MTCL2: variants seen among roughly 807,000 people sequenced by gnomAD.
MTCL2 encodes the protein microtubule crosslinking factor 2, also known as microtubule cross-linking factor 2.
the MTCL2 span, among the ~76,000 whole-genome samples, chr20:36,787,469 C>T: frequency 7.2e-5 from 11 of 152,044 alleles, no homozygotes; most frequent in Admixed American, 2.0e-4. Flanking sequence ...GTGATCTGCC[C>T]GCCTCGGCCT....
the MTCL2 span, chr20:36,784,263 T>A: frequency 1.0e-6 from 1 of 985,926 alleles, no homozygotes. Context: ...AGAGCGGAAC[T>A]GGCCCACAGC....
chr20:36,847,343 C>T, the MTCL2 span, among the ~76,000 whole-genome samples: 3 of 152,198 alleles, frequency 2.0e-5, no homozygotes, highest in African/African-American at 7.2e-5. Context: ...CAGAACATTT[C>T]CTTCCCAGAC....
chr20:36,794,671 C>G, the MTCL2 span: 18 of 1,600,300 alleles, frequency 1.1e-5, no homozygotes, highest in South Asian at 2.0e-4. The surrounding 1 kb of genome is among the most constrained non-coding windows in gnomAD (Gnocchi z 5.4). Context: ...GTCTACCACC[C>G]TGGTCCGTGT....
chr20:36,810,120 CAG>C, the MTCL2 span: 1 of 1,584,644 alleles, frequency 6.3e-7, no homozygotes, highest in Non-Finnish European at 8.6e-7. Flanking sequence ...GTGGTACAGA[CAG>C]GGGACACAGA....
chr20:36,808,269 T>C, the MTCL2 span, among the ~76,000 whole-genome samples: 1 of 151,262 alleles, frequency 6.6e-6, no homozygotes, highest in African/African-American at 2.4e-5. Flanking sequence ...GGCAGGAGAA[T>C]TGCTTGAACC....
At chr20:36,809,145 AGCAAT>A in the MTCL2 span, among the ~76,000 whole-genome samples, 1 of 152,194 alleles carries the variant, frequency 6.6e-6, no homozygotes, top group African/African-American at 2.4e-5. Context: ...CACCCTAGGA[AGCAAT>A]GCAGTGTCAT....
At chr20:36,854,394 A>G in the MTCL2 span, among the ~76,000 whole-genome samples, 2 of 152,166 alleles carry the variant, frequency 1.3e-5, no homozygotes, top group Non-Finnish European at 2.9e-5. Context: ...AAGGTGTCTG[A>G]CACAGGAGCC....
chr20:36,836,895 C>G, the MTCL2 span, among the ~76,000 whole-genome samples: 1 of 152,350 alleles, frequency 6.6e-6, no homozygotes, highest in Non-Finnish European at 1.5e-5. Context: ...GGAACAGGCA[C>G]TCCTGTTTAC....
chr20:36,859,452 C>T, the MTCL2 span: 1 of 638,982 alleles, frequency 1.6e-6, no homozygotes, highest in East Asian at 3.5e-5. Flanking sequence ...ACTGCAGCCA[C>T]CACATCAATC....
the MTCL2 span, chr20:36,815,548 G>A: frequency 6.4e-7 from 1 of 1,572,316 alleles, no homozygotes; most frequent in South Asian, 1.2e-5. This position sits in a 1 kb window ranked among gnomAD's most constrained non-coding sequence, Gnocchi z 5.3. Context: ...TCGCCCAGGG[G>A]AGCAGGCACA....
the MTCL2 span, among the ~76,000 whole-genome samples, chr20:36,797,171 C>A: frequency 1.3e-5 from 2 of 152,080 alleles, no homozygotes; most frequent in African/African-American, 4.8e-5. Context: ...CAAGAGTGAC[C>A]CACCCAAGGA....
At chr20:36,809,406 A>G in the MTCL2 span, among the ~76,000 whole-genome samples, 1 of 152,122 alleles carries the variant, frequency 6.6e-6, no homozygotes, top group Non-Finnish European at 1.5e-5. Context: ...TGATGAGGGC[A>G]CCATTTCATA....
the MTCL2 span, among the ~76,000 whole-genome samples, chr20:36,819,750 A>T: frequency 6.6e-6 from 1 of 152,184 alleles, no homozygotes; most frequent in Non-Finnish European, 1.5e-5. Context: ...ATGGACTCCT[A>T]AGTACAGAAT....
the MTCL2 span, chr20:36,785,695 T>G: frequency 1.0e-6 from 1 of 984,916 alleles, no homozygotes; most frequent in Non-Finnish European, 1.2e-6. Context: ...TGAGACTGAC[T>G]CTACCTATTT....
the MTCL2 span, among the ~76,000 whole-genome samples, chr20:36,855,796 G>A: frequency 3.3e-5 from 5 of 152,180 alleles, no homozygotes; most frequent in East Asian, 5.8e-4. Flanking sequence ...GGAGGAAGAC[G>A]GAGTCTTGGT....
At chr20:36,826,496 A>G in the MTCL2 span, among the ~76,000 whole-genome samples, 1 of 138,306 alleles carries the variant, frequency 7.2e-6, no homozygotes, top group East Asian at 2.3e-4. Context: ...TCCCACCTCA[A>G]CCTCCCTAGT....
chr20:36,839,133 G>A, the MTCL2 span: 21 of 1,325,138 alleles, frequency 1.6e-5, no homozygotes, highest in South Asian at 1.6e-4. The surrounding 1 kb of genome is among the most constrained non-coding windows in gnomAD (Gnocchi z 5.1). Flanking sequence ...ATGGACACAC[G>A]GAAATGAGAT....
chr20:36,848,542 C>T, the MTCL2 span, among the ~76,000 whole-genome samples: 1 of 152,236 alleles, frequency 6.6e-6, no homozygotes, highest in Non-Finnish European at 1.5e-5. Flanking sequence ...CAGATCCTCA[C>T]TGAACCCCCC....
At chr20:36,835,670 G>A in the MTCL2 span, among the ~76,000 whole-genome samples, 1 of 152,182 alleles carries the variant, frequency 6.6e-6, no homozygotes, top group Non-Finnish European at 1.5e-5. Flanking sequence ...GTGGCCAGAG[G>A]TGTCCATCCA....
Sources: allele counts gnomAD v4.1 joint callset (sites outside exome capture counted in the v4.1 genomes callset), GRCh38; gene constraint gnomAD v4.1.1; non-coding constraint Gnocchi (gnomAD v3.1); transcripts MANE v1.5; gene names NCBI Gene and HGNC (gene_info 2026-07-23, HGNC 2026-07-21).